The following CXCL13 variants were observed in gnomAD, a reference collection of about 807,000 sequenced individuals.
The protein encoded by CXCL13 is C-X-C motif chemokine 13.
In CXCL13, 7 loss-of-function variants were observed where a neutral mutation model predicts 12.2. The observed-to-expected ratio is 0.57, with a 90% CI of 0.33 to 1.07. CXCL13 has a LOEUF of 1.07. Ranked by LOEUF, CXCL13 falls within the 50% of genes least tolerant of loss-of-function variation. The pLI, the probability that CXCL13 is intolerant of heterozygous loss-of-function variation, is 0.04. For missense variants in CXCL13, 113 were observed against 127.4 expected, an observed-to-expected ratio of 0.89 and a Z score of 0.55; for synonymous variants, 47 against 42.4, an observed-to-expected ratio of 1.11 and a Z score of -0.42.
intron 1 of CXCL13, among the ~76,000 whole-genome samples, chr4:77,562,966 T>C (rs1017595721): frequency 5.4e-4 from 82 of 152,194 alleles, no homozygotes; most frequent in Admixed American, 2.4e-3. Context: ...GCAACCCCCA[T>C]GGGTCCCCTT....
intron 1 of CXCL13, among the ~76,000 whole-genome samples, chr4:77,542,391 C>T (rs1725225943): frequency 6.6e-6 from 1 of 151,900 alleles, no homozygotes; most frequent in South Asian, 2.1e-4. Context: ...CCTTTGATAC[C>T]AAGTTTGTTT....
intron 1 of CXCL13, among the ~76,000 whole-genome samples, chr4:77,584,412 T>C (rs1212158234): frequency 6.6e-6 from 1 of 152,208 alleles, no homozygotes; most frequent in Non-Finnish European, 1.5e-5. Flanking sequence ...ATCATTCAGG[T>C]AAAATATTTC....
chr4:77,587,846 G>A (rs567683736), intron 1 of CXCL13, among the ~76,000 whole-genome samples: 3 of 152,332 alleles, frequency 2.0e-5, no homozygotes, highest in African/African-American at 7.2e-5. Context: ...TGCGAAGCAG[G>A]GTCATATAAG....
intron 1 of CXCL13, among the ~76,000 whole-genome samples, chr4:77,586,243 C>G (rs1024730704): frequency 5.9e-5 from 9 of 151,476 alleles, no homozygotes; most frequent in African/African-American, 2.2e-4. Context: ...AGGCCTGGAC[C>G]AATGCCATCC....
chr4:77,514,710 T>G (rs1219165981), intron 1 of CXCL13, among the ~76,000 whole-genome samples: 1 of 152,060 alleles, frequency 6.6e-6, no homozygotes, highest in African/African-American at 2.4e-5. Context: ...ATATTAGCCC[T>G]TTGTCAGATG....
chr4:77,538,221 G>C (rs370262010), intron 1 of CXCL13, among the ~76,000 whole-genome samples: 2 of 152,148 alleles, frequency 1.3e-5, no homozygotes, highest in Non-Finnish European at 2.9e-5. Context: ...AGGTGCCTCA[G>C]TTCATGACTA....
At chr4:77,528,896 G>C (rs953471719) in intron 1 of CXCL13, among the ~76,000 whole-genome samples, 43 of 152,196 alleles carry the variant, frequency 2.8e-4, no homozygotes, top group Admixed American at 7.9e-4. Flanking sequence ...TTCTTCTAGG[G>C]TTTAAATGGT....
At chr4:77,609,257 G>T (rs78882277) in intron 2 of CXCL13, among the ~76,000 whole-genome samples, 83 of 150,830 alleles carry the variant, frequency 5.5e-4, no homozygotes, top group African/African-American at 1.9e-3. Flanking sequence ...TGTCTTTATT[G>T]TTTTGGGGTT....
intron 1 of CXCL13, among the ~76,000 whole-genome samples, chr4:77,585,519 A>G (rs1302294802): frequency 6.6e-6 from 1 of 152,196 alleles, no homozygotes; most frequent in Non-Finnish European, 1.5e-5. Context: ...CAGTCTGGGT[A>G]ACAAAGCCTT....
intron 1 of CXCL13, among the ~76,000 whole-genome samples, chr4:77,562,477 G>A (rs1725838508): frequency 6.6e-6 from 1 of 152,172 alleles, no homozygotes; most frequent in Non-Finnish European, 1.5e-5. Flanking sequence ...AGTACTCTGT[G>A]TCTAGCTCAA....
upstream of CXCL13, among the ~76,000 whole-genome samples, chr4:77,602,282 T>C (rs1187714833): frequency 1.3e-5 from 2 of 152,222 alleles, no homozygotes; most frequent in African/African-American, 2.4e-5. Context: ...TGTCAGTGAG[T>C]ACTGACATCT....
chr4:77,514,941 T>C (rs1463834188), intron 1 of CXCL13, among the ~76,000 whole-genome samples: 1 of 152,282 alleles, frequency 6.6e-6, no homozygotes, highest in African/African-American at 2.4e-5. Flanking sequence ...TGGTTTTAGG[T>C]CTAACGTTTA....
At chr4:77,522,653 T>C (rs1439443015) in intron 1 of CXCL13, among the ~76,000 whole-genome samples, 1 of 151,628 alleles carries the variant, frequency 6.6e-6, no homozygotes. Flanking sequence ...TGGGTCTTGT[T>C]TCTTTATCCA....
intron 1 of CXCL13, among the ~76,000 whole-genome samples, chr4:77,525,443 G>A (rs1724739173): frequency 6.6e-6 from 1 of 152,262 alleles, no homozygotes; most frequent in East Asian, 1.9e-4. Context: ...ATGCAGGTGA[G>A]AGTGGATGGG....
intron 1 of CXCL13, among the ~76,000 whole-genome samples, chr4:77,568,174 C>A (rs918494350): frequency 1.7e-4 from 26 of 152,212 alleles, no homozygotes; most frequent in African/African-American, 6.0e-4. Context: ...CCATTCAGAC[C>A]TGACAGATGG....
At chr4:77,576,582 G>A (rs776146683) in intron 1 of CXCL13, among the ~76,000 whole-genome samples, 2 of 152,150 alleles carry the variant, frequency 1.3e-5, no homozygotes, top group South Asian at 2.1e-4. Context: ...AGTGAAAAAT[G>A]TCACTTTCTG....
intron 1 of CXCL13, among the ~76,000 whole-genome samples, chr4:77,589,303 T>C (rs184534416): frequency 6.6e-6 from 1 of 152,296 alleles, no homozygotes; most frequent in Admixed American, 6.5e-5. Context: ...TAATCATCCC[T>C]TTGTCCAGCA....
At chr4:77,583,261 T>C (rs1323805892) in intron 1 of CXCL13, among the ~76,000 whole-genome samples, 1 of 152,158 alleles carries the variant, frequency 6.6e-6, no homozygotes, top group Non-Finnish European at 1.5e-5. Context: ...CCAACCTCTT[T>C]CCATGGGAAT....
chr4:77,585,247 G>T (rs1227438359), intron 1 of CXCL13, among the ~76,000 whole-genome samples: 1 of 152,162 alleles, frequency 6.6e-6, no homozygotes, highest in Non-Finnish European at 1.5e-5. Context: ...TAGCATTCTG[G>T]TTATTTAAAA....
Sources: gnomAD v4.1 joint callset for allele counts (sites outside exome capture counted in the v4.1 genomes callset) on GRCh38, gnomAD v4.1.1 for gene constraint, MANE v1.5 for transcripts, NCBI Gene and HGNC (gene_info 2026-07-23, HGNC 2026-07-21) for gene names.